Variants in DVL2 observed in about 807,000 individuals in gnomAD.
DVL2 encodes segment polarity protein dishevelled homolog DVL-2.
In DVL2, 38 loss-of-function variants were observed where a neutral mutation model predicts 69.8. That is an observed-to-expected ratio of 0.54 (90% CI 0.42 to 0.71). The LOEUF (loss-of-function observed/expected upper bound fraction) is 0.71. Ranked by LOEUF, DVL2 falls within the 30% of genes least tolerant of loss-of-function variation. DVL2 has a pLI of 0.00. For synonymous variants in DVL2, 428 were observed against 392.4 expected (o/e 1.09, Z -1.07); for missense variants, 931 against 1,008.1 (o/e 0.92, Z 1.04).
chr17:7,227,804 A>G, intron 10 of DVL2, 21 bp from the exon 11 acceptor site: 4 of 1,560,424 alleles, frequency 2.6e-6, no homozygotes, highest in Non-Finnish European at 3.5e-6. Context: ...GATGGCACCA[A>G]AATGACCCAT....
At position 7,234,082 on chromosome 17, in the gene DVL2, C is replaced by CCATA; in HGVS notation, c.177_180dup (p.Asp61TyrfsTer15). The stretch of plus-strand genomic sequence containing the variant: ...CCTTGCGCTCACCCGAAATCCTGAT[C>CCATA]CATAGACTTGAAAAAGTACTTGGCG... On this transcript the variant is annotated frameshift_variant, in exon 1 of 15. Transcript: ENST00000005340. LOFTEE classifies it high-confidence loss of function. The CCATA allele has an allele frequency of 6.2e-7, 1 of 1,614,142 alleles. No individual in the cohort carries two copies. The highest frequency in any genetic ancestry group is 8.5e-7 in the Non-Finnish European group (1 of 1,180,034).
chr17:7,225,551 G>T lies in DVL2; in HGVS notation c.*314C>A, dbSNP rs2071429535. 2.3e-6 allele frequency: 1 copy of T among 434,294 alleles called. No homozygotes were observed. Among genetic ancestry groups the T allele is most frequent in the Non-Finnish European group, 4.2e-6 (1 of 240,386 alleles). The allele number at this position is 434,294 out of a possible 1,614,324, so 26.9% of individuals were successfully genotyped here. A position where few individuals can be genotyped will look rare whatever the true frequency, so the allele number is the denominator to read the frequency against. ...GAGGTCACATTCTGGGGTTAGAAGG[G>T]GCCCAATGGATGGGAATTCTTCATA... On this transcript the variant is annotated 3_prime_UTR_variant, in exon 15 of 15. Transcript: ENST00000005340.
At chr17:7,231,873 A>C (rs559805248) in intron 1 of DVL2, among the ~76,000 whole-genome samples, 5 of 151,844 alleles carry the variant, frequency 3.3e-5, no homozygotes, top group East Asian at 3.9e-4. Context: ...AAAAAAAAAA[A>C]AAAAAAAAAC....
In DVL2 at chr17:7,229,095, C is replaced by A; in HGVS notation, c.957+40G>T. The A allele has an allele frequency of 6.2e-7, 1 of 1,614,062 alleles. No homozygotes were observed. Among genetic ancestry groups the A allele is most frequent in the Middle Eastern group, 1.6e-4 (1 of 6,062 alleles). Reference sequence around the variant, plus strand: ...GAGACACGGTGGGAGAGGCTGAGGGCCCCCGTGCAGGGCAGCTCAGTGGCC... The same window carrying A: ...GAGACACGGTGGGAGAGGCTGAGGGACCCCGTGCAGGGCAGCTCAGTGGCC... On this transcript the variant is annotated intron_variant, in intron 8 of 14. Coordinates refer to ENST00000005340, the MANE Select transcript of DVL2 (RefSeq NM_004422.3). The surrounding 1 kb of genome is among the most constrained non-coding windows in gnomAD (Gnocchi z 4.4).
intron 9 of DVL2, 130 bp downstream of exon 9, chr17:7,228,839 C>G: frequency 1.1e-6 from 1 of 882,746 alleles, no homozygotes; most frequent in Non-Finnish European, 1.8e-6. Context: ...ATCTGGGCCT[C>G]CCAAAGTGCT....
chr17:7,228,569 C>T (rs1034700902), intron 9 of DVL2: 21 of 204,144 alleles, frequency 1.0e-4, no homozygotes, highest in African/African-American at 2.4e-4. Flanking sequence ...GTACTTTGAA[C>T]GTTATGTCTT....
chr17:7,228,845 G>A, intron 9 of DVL2, 124 bp downstream of exon 9: 2 of 943,284 alleles, frequency 2.1e-6, no homozygotes, highest in African/African-American at 1.6e-5. Context: ...GCCTCCCAAA[G>A]TGCTGGGTTT....
rs527299458 is a variant in DVL2 at position 7,233,926 on chromosome 17, G to A, written c.194+143C>T. On this transcript the variant is annotated intron_variant, in intron 1 of 14. Coordinates refer to ENST00000005340, the MANE Select transcript of DVL2 (RefSeq NM_004422.3). ...GCATAACCTTGTCCATCCTGGGATA[G>A]TCAACCTACCTCAGCATAGTACAAT... is the stretch of plus-strand genomic sequence containing the variant. The A allele has an allele frequency of 9.3e-6, 8 of 864,508 alleles. No homozygotes were observed. The Middle Eastern group carries it at 1.4e-3, about 153-fold the overall frequency. The allele number at this position is 864,508 out of a possible 1,614,324, so 53.6% of individuals were successfully genotyped here. A position where few individuals can be genotyped will look rare whatever the true frequency, so the allele number is the denominator to read the frequency against.
chr17:7,234,222 G>A lies in DVL2; in HGVS notation c.41C>T (p.Thr14Met). ...SSTGGGGVGE[T>M]KVIYHLDEEE... ...CTCATCCAGGTGGTAAATCACCTTC[G>A]TCTCCCCAACCCCACCGCCCCCAGT... Residue 14 changes from threonine to methionine, a missense_variant, in exon 1 of 15, where the codon ACG becomes ATG. Coordinates refer to ENST00000005340, the MANE Select transcript of DVL2 (RefSeq NM_004422.3). 2 of 1,613,930 alleles carry A rather than the reference G, an allele frequency of 1.2e-6. No homozygotes were observed. Among genetic ancestry groups the A allele is most frequent in the Non-Finnish European group, 1.7e-6 (2 of 1,179,968 alleles).
At position 7,228,878 on chromosome 17, in the gene DVL2, G is replaced by A. The variant is rs865986854; in HGVS notation, c.1034+91C>T. The A allele has an allele frequency of 4.6e-5, 62 of 1,358,538 alleles. 1 individual carries two copies. Among genetic ancestry groups the A allele is most frequent in the Middle Eastern group, 2.5e-4 (1 of 4,034 alleles). The allele number at this position is 1,358,538 out of a possible 1,614,324, so 84.2% of individuals were successfully genotyped here. A position where few individuals can be genotyped will look rare whatever the true frequency, so the allele number is the denominator to read the frequency against. ...TTTACAGGCTCGAGCCACCACGCCC[G>A]GCTGTCTTAGTACTTATTAAAATTC... On this transcript the variant is annotated intron_variant, in intron 9 of 14. Coordinates refer to ENST00000005340, the MANE Select transcript of DVL2 (RefSeq NM_004422.3).
In DVL2 at chr17:7,229,887, C is replaced by T. The variant is rs202089648; in HGVS notation, c.577G>A (p.Glu193Lys). 12 of 1,610,728 alleles carry T rather than the reference C, an allele frequency of 7.5e-6. No homozygotes were observed. The highest frequency in any genetic ancestry group is 2.2e-5 in the East Asian group (1 of 44,902). The part of the protein sequence containing the change: ...SRLERHLAGY[E>K]SSSTLMTSEL... ...CTGGTCATGAGGGTAGAGGAGCTCTCGTATCCGGCCAGGTGGCGCTCCAGC... is the reference window on the plus strand; with the variant it reads ...CTGGTCATGAGGGTAGAGGAGCTCTTGTATCCGGCCAGGTGGCGCTCCAGC... Residue 193 changes from glutamate to lysine, a missense_variant, in exon 5 of 15, where the codon GAG (glutamate) becomes AAG (lysine). This residue lies in a region of DVL2 where 555 missense variants were observed against 588.8 expected (regional missense o/e 0.94). Coordinates refer to ENST00000005340, the MANE Select transcript of DVL2 (RefSeq NM_004422.3). This position sits in a 1 kb window ranked among gnomAD's most constrained non-coding sequence, Gnocchi z 4.4.
intron 2 of DVL2, 45 bp from the exon 3 acceptor site, chr17:7,230,475 G>A: frequency 2.5e-6 from 4 of 1,603,696 alleles, no homozygotes; most frequent in Non-Finnish European, 3.4e-6. Flanking sequence ...TGGGAGTCAG[G>A]GTGTGACAGG....
intron 9 of DVL2, 84 bp from the exon 10 acceptor site, chr17:7,228,128 G>C (rs952135925): frequency 1.8e-6 from 2 of 1,136,698 alleles, no homozygotes; most frequent in Admixed American, 2.4e-5. Context: ...GATGGATTAA[G>C]AGACACAAAG....
Position 7,234,095 on chromosome 17 carries a change from A to G in DVL2, c.168T>C (p.Phe56=). The G allele has an allele frequency of 6.2e-7, 1 of 1,614,162 alleles. No homozygotes were observed. Among genetic ancestry groups the G allele is most frequent in the African/African-American group, 1.3e-5 (1 of 75,040 alleles). ...CGAAATCCTGATCCATAGACTTGAAAAAGTACTTGGCGCCCGCGGGCCGCT... is the reference window on the plus strand; with the variant it reads ...CGAAATCCTGATCCATAGACTTGAAGAAGTACTTGGCGCCCGCGGGCCGCT... ...VLQRPAGAKY[F]FKSMDQDFGV... Residue 56 remains phenylalanine, a synonymous_variant, in exon 1 of 15, where the codon TTT becomes TTC. Coordinates refer to ENST00000005340, the MANE Select transcript of DVL2 (RefSeq NM_004422.3).
rs1233066402 is a variant in DVL2, at chr17:7,233,986, C to T, written c.194+83G>A. ...CATAGGCCAGAAAATCCCAGTGTGG[C>T]CCAAAGTAGACGTGTGCCCCTCCAT... On this transcript the variant is annotated intron_variant, in intron 1 of 14. Coordinates refer to ENST00000005340, the MANE Select transcript of DVL2 (RefSeq NM_004422.3). 5.4e-6 allele frequency: 8 copies of T among 1,475,806 alleles called. No homozygotes were observed. In the Admixed American group the frequency reaches 1.2e-4, roughly 23 times the overall value. The allele number at this position is 1,475,806 out of a possible 1,614,324, so 91.4% of individuals were successfully genotyped here. A position where few individuals can be genotyped will look rare whatever the true frequency, so the allele number is the denominator to read the frequency against.
intron 9 of DVL2, 45 bp downstream of exon 9, chr17:7,228,924 A>G (rs779585159): frequency 1.3e-6 from 2 of 1,552,512 alleles, no homozygotes; most frequent in South Asian, 1.1e-5. Context: ...CATGAAAGAG[A>G]AAAAAAAAGA....
In DVL2 at chr17:7,229,379, CAT is replaced by C; in HGVS notation, c.814_815del (p.Met272GlyfsTer16). On this transcript the variant is annotated frameshift_variant and splice_region_variant, in exon 7 of 15. Transcript: ENST00000005340. LOFTEE classifies it high-confidence loss of function. The surrounding 1 kb of genome is among the most constrained non-coding windows in gnomAD (Gnocchi z 4.4). ...SLNIITVTLN[M>X]EKYNFLGISI... The stretch of plus-strand genomic sequence containing the variant: ...CCTAGCCACAGGCTCTCCCCATACC[CAT>C]GTTTAGCGTGACTGTGATGATATTG... The C allele has an allele frequency of 6.2e-7, 1 of 1,613,956 alleles. No individual in the cohort carries two copies. The highest frequency in any genetic ancestry group is 8.5e-7 in the Non-Finnish European group (1 of 1,180,042).
chr17:7,229,100 G>A lies in DVL2; in HGVS notation c.957+35C>T, dbSNP rs780751030. On this transcript the variant is annotated intron_variant, in intron 8 of 14. Transcript: ENST00000005340. This position sits in a 1 kb window ranked among gnomAD's most constrained non-coding sequence, Gnocchi z 4.4. ...ACGGTGGGAGAGGCTGAGGGCCCCC[G>A]TGCAGGGCAGCTCAGTGGCCCTACC... 12 of 1,613,886 alleles carry A rather than the reference G, an allele frequency of 7.4e-6. No individual in the cohort carries two copies. The highest frequency in any genetic ancestry group is 4.5e-5 in the East Asian group (2 of 44,888).
Position 7,225,391 on chromosome 17 carries a change from A to C in DVL2, c.*474T>G. On this transcript the variant is annotated 3_prime_UTR_variant, in exon 15 of 15. Coordinates refer to ENST00000005340, the MANE Select transcript of DVL2 (RefSeq NM_004422.3). ...GGTGTTTTATACAAGTGACTAAAAT[A>C]AATAGAGTAACAAAGGCAGCTACAT... 1 of 497,680 alleles carries C rather than the reference A, an allele frequency of 2.0e-6. No individual in the cohort carries two copies. Among genetic ancestry groups the C allele is most frequent in the Admixed American group, 3.3e-5 (1 of 30,022 alleles). 30.8% of individuals were successfully genotyped at this position (497,680 alleles called of 1,614,324 possible). A position where few individuals can be genotyped will look rare whatever the true frequency, so the allele number is the denominator to read the frequency against.
Sources: allele counts gnomAD v4.1 joint callset (sites outside exome capture counted in the v4.1 genomes callset), GRCh38; gene constraint gnomAD v4.1.1; regional missense constraint gnomAD v4.1.1; non-coding constraint Gnocchi (gnomAD v3.1); transcripts MANE v1.5; gene names NCBI Gene and HGNC (gene_info 2026-07-23, HGNC 2026-07-21).